ERI3: variants seen among roughly 807,000 people sequenced by gnomAD.
ERI3 encodes ERI1 exoribonuclease family member 3, also known as ERI1 exoribonuclease 3.
In ERI3, 18 loss-of-function variants were observed where a neutral mutation model predicts 44.4. The ratio of observed to expected loss-of-function variants is 0.41; its 90% CI spans 0.28 to 0.60. The LOEUF (loss-of-function observed/expected upper bound fraction) is 0.60. Among genes scored for constraint, ERI3 ranks in the 20% least tolerant of loss-of-function variants. The probability of loss-of-function intolerance (pLI) is 0.36; values close to 1 mark genes in which losing one functional copy is unlikely to be tolerated. For synonymous variants in ERI3, 183 were observed against 164.8 expected, an observed-to-expected ratio of 1.11 and a Z score of -0.84; for missense variants, 294 against 435.5, an observed-to-expected ratio of 0.68 and a Z score of 2.89.
At chr1:44,263,507 C>A (rs1254395391) in intron 7 of ERI3, among the ~76,000 whole-genome samples, 1 of 152,202 alleles carries the variant, frequency 6.6e-6, no homozygotes, top group Non-Finnish European at 1.5e-5. Context: ...GATCAGATAG[C>A]CTCAGCCGGA....
At chr1:44,249,204 C>T (rs748997944) in intron 7 of ERI3, among the ~76,000 whole-genome samples, 1 of 152,138 alleles carries the variant, frequency 6.6e-6, no homozygotes, top group Non-Finnish European at 1.5e-5. Context: ...TGCCCTTCTA[C>T]CAGTGGCAGG....
rs763940316 is a variant in ERI3 at position 44,231,379 on chromosome 1, CTTCTTT to C, written c.932-9745_932-9740del. ...CTGTATTCACATTTTTCCTTGCCCA[CTTCTTT>C]TTCTTTGAGTTAGAGCCCTACTCTG... On this transcript the variant is annotated intron_variant, in intron 8 of 8. Transcript: ENST00000372257. Among the ~76,000 whole-genome samples, 9 of 152,066 alleles carry C rather than the reference CTTCTTT, an allele frequency of 5.9e-5. No homozygotes were observed. In the South Asian group the frequency reaches 1.0e-3, roughly 17 times the overall value.
In ERI3 at chr1:44,284,840, T is replaced by G; in HGVS notation, c.826A>C (p.Lys276Gln). 1 of 1,613,976 alleles carries G rather than the reference T, an allele frequency of 6.2e-7. No individual in the cohort carries two copies. The highest frequency in any genetic ancestry group is 8.5e-7 in the Non-Finnish European group (1 of 1,179,876). ...TTGGGGCTCAGACACAGTACCTTTTTCAGATTAATCCACTGCTTGAAGTAA... is the reference window on the plus strand; with the variant it reads ...TTGGGGCTCAGACACAGTACCTTTTGCAGATTAATCCACTGCTTGAAGTAA... ...ADYFKQWINL[K>Q]KAYSFAMGCW... The change falls in exon 7 of 9, where the codon AAA becomes CAA. Residue 276 changes from lysine to glutamine, a missense_variant. By Grantham distance (53) the Lys-to-Gln change is moderately conservative. Coordinates refer to ENST00000372257, the MANE Select transcript of ERI3 (RefSeq NM_024066.3).
chr1:44,341,059 A>G (rs1646642528), intron 2 of ERI3, among the ~76,000 whole-genome samples: 1 of 152,232 alleles, frequency 6.6e-6, no homozygotes, highest in Non-Finnish European at 1.5e-5. Flanking sequence ...AAGACTTCTG[A>G]AAGTCCTAAT....
At position 44,341,095 on chromosome 1, in the gene ERI3, G is replaced by A. The variant is rs528847473; in HGVS notation, c.212-1773C>T. ...GTTCTACAGTGTGCACAGAATATGC[G>A]TAGTATATACAGTCAGTCAATCCTG... On this transcript the variant is annotated intron_variant, in intron 2 of 8. Transcript: ENST00000372257. Among the ~76,000 whole-genome samples the A allele has an allele frequency of 1.4e-4, 21 of 152,288 alleles. No homozygotes were observed. In the South Asian group the frequency reaches 1.9e-3, roughly 14 times the overall value.
chr1:44,346,290 CAA>C (rs916676700), intron 2 of ERI3, among the ~76,000 whole-genome samples: 23 of 152,270 alleles, frequency 1.5e-4, no homozygotes, highest in African/African-American at 5.5e-4. Context: ...TCAGGAACAC[CAA>C]ATTCTGAGGG....
At chr1:44,353,787 G>A in intron 1 of ERI3, 1 of 985,324 alleles carries the variant, frequency 1.0e-6, no homozygotes. Flanking sequence ...TTTTAATTTG[G>A]AGTGCTTAAG....
intron 8 of ERI3, among the ~76,000 whole-genome samples, chr1:44,224,931 A>T (rs1643999218): frequency 6.6e-6 from 1 of 152,174 alleles, no homozygotes; most frequent in Non-Finnish European, 1.5e-5. Flanking sequence ...AAGCCTTGAC[A>T]AATATATATA....
Position 44,313,207 on chromosome 1 carries a change from T to C in ERI3, c.628A>G (p.Met210Val). The change falls in exon 5 of 9, where the codon ATG becomes GTG. Residue 210 changes from methionine to valine, a missense_variant. By Grantham distance (21) the Met-to-Val change is conservative. Coordinates refer to ENST00000372257, the MANE Select transcript of ERI3 (RefSeq NM_024066.3). ...CTELTGIIQA[M>V]VDGQPSLQQV... ...TGCAGGCTTGGCTGACCATCCACCA[T>C]GGCTTGAATAATCCCGGTGAGCTGA... The C allele has an allele frequency of 2.5e-6, 4 of 1,614,106 alleles. No homozygotes were observed. The highest frequency in any genetic ancestry group is 3.4e-6 in the Non-Finnish European group (4 of 1,180,002).
intron 7 of ERI3, among the ~76,000 whole-genome samples, chr1:44,254,277 T>A (rs1644740020): frequency 1.3e-5 from 2 of 152,194 alleles, no homozygotes; most frequent in African/African-American, 2.4e-5. Flanking sequence ...TGAGCCTTGT[T>A]ATCACCCAGA....
At chr1:44,323,079 G>C in intron 3 of ERI3, 2 of 610,940 alleles carry the variant, frequency 3.3e-6, no homozygotes, top group Non-Finnish European at 4.9e-6. Context: ...TTCAGAAACA[G>C]TTTTGTGTAA....
chr1:44,298,006 C>T (rs1333497811), intron 6 of ERI3, among the ~76,000 whole-genome samples: 2 of 152,220 alleles, frequency 1.3e-5, no homozygotes, highest in East Asian at 3.8e-4. Flanking sequence ...AAGGGCTTTG[C>T]CATCTAGCTC....
At chr1:44,248,628 G>C (rs1183861225) in intron 7 of ERI3, among the ~76,000 whole-genome samples, 1 of 152,038 alleles carries the variant, frequency 6.6e-6, no homozygotes, top group Non-Finnish European at 1.5e-5. Flanking sequence ...AGAGGAGTAA[G>C]GTCACTTGGT....
chr1:44,227,990 A>G (rs1644085496), intron 8 of ERI3, among the ~76,000 whole-genome samples: 1 of 152,214 alleles, frequency 6.6e-6, no homozygotes, highest in East Asian at 1.9e-4. Context: ...TATTCCAATA[A>G]CATCTAAAAA....
chr1:44,250,653 C>T (rs1446819548), intron 7 of ERI3, among the ~76,000 whole-genome samples: 1 of 152,078 alleles, frequency 6.6e-6, no homozygotes, highest in Non-Finnish European at 1.5e-5. Context: ...GGTGTCATGC[C>T]GCACAGTTTC....
intron 6 of ERI3, among the ~76,000 whole-genome samples, chr1:44,293,391 T>A (rs1645548028): frequency 6.6e-6 from 1 of 152,186 alleles, no homozygotes; most frequent in Admixed American, 6.5e-5. Context: ...TTGAGAGGAC[T>A]AGGATAAGAA....
intron 3 of ERI3, 127 bp downstream of exon 3, chr1:44,338,918 G>T: frequency 8.6e-7 from 1 of 1,166,380 alleles, no homozygotes; most frequent in Non-Finnish European, 1.2e-6. Context: ...TCCTAGACAG[G>T]AACTCTAAAT....
chr1:44,325,274 A>G (rs12747387), intron 3 of ERI3, among the ~76,000 whole-genome samples: 17 of 151,722 alleles, frequency 1.1e-4, no homozygotes, highest in Non-Finnish European at 2.2e-4. Flanking sequence ...ACAGGGTTTC[A>G]CCATATTGGC....
chr1:44,239,944 C>T (rs1644397657), intron 8 of ERI3, among the ~76,000 whole-genome samples: 1 of 152,246 alleles, frequency 6.6e-6, no homozygotes, highest in African/African-American at 2.4e-5. Flanking sequence ...CCTTGCCTAA[C>T]TAGCAGCCAT....
Sources: gnomAD v4.1 joint callset for allele counts (sites outside exome capture counted in the v4.1 genomes callset) on GRCh38, gnomAD v4.1.1 for gene constraint, MANE v1.5 for transcripts, NCBI Gene and HGNC (gene_info 2026-07-23, HGNC 2026-07-21) for gene names.